The following MICAL2 variants were observed in gnomAD, a reference collection of about 807,000 sequenced individuals.
The protein encoded by MICAL2 is microtubule associated monooxygenase, calponin and LIM domain containing 2.
In MICAL2, 77 loss-of-function variants were observed where a neutral mutation model predicts 127.3. The observed-to-expected ratio is 0.60, with a 90% confidence interval of 0.50 to 0.73. The LOEUF (loss-of-function observed/expected upper bound fraction) is 0.73. Among genes scored for constraint, MICAL2 ranks in the 30% least tolerant of loss-of-function variants. The pLI is 0.00. For synonymous variants in MICAL2, 570 were observed against 551.1 expected (o/e 1.03, Z -0.48); for missense variants, 1,351 against 1,434.4 (o/e 0.94, Z 0.94).
chr11:12,286,019 C>T (rs1042894021), intron 2 of MICAL2, among the ~76,000 whole-genome samples: 2 of 152,240 alleles, frequency 1.3e-5, no homozygotes, highest in Admixed American at 6.5e-5. Context: ...ATCTGCAGGC[C>T]TTGCCTGGGA....
chr11:12,259,845 C>G lies in MICAL2; in HGVS notation c.3282C>G (p.Thr1094=), dbSNP rs370562454. 1.2e-6 allele frequency: 2 copies of G among 1,600,022 alleles called. No homozygotes were observed. Among genetic ancestry groups the G allele is most frequent in the Admixed American group, 1.7e-5 (1 of 58,566 alleles). Residue 1094 remains threonine, a synonymous_variant, in exon 26 of 28, where the codon ACC becomes ACG. Coordinates refer to ENST00000683283, the MANE Select transcript of MICAL2 (RefSeq NM_001282663.2). ...AAGCCCCTCGGAGAGACACTCCCAC[C>G]GAAAGTTCTTGCGCAGTGGCCGCCA... ...EQEAPRRDTP[T]ESSCAVAAIG...
At chr11:12,225,072 C>G (rs1246979987) in intron 13 of MICAL2, among the ~76,000 whole-genome samples, 1 of 142,520 alleles carries the variant, frequency 7.0e-6, no homozygotes, top group Non-Finnish European at 1.5e-5. Context: ...CCCCCCACTA[C>G]CCTTCCCCCC....
At chr11:12,292,145 T>A (rs758041310), downstream of MICAL2, 4 of 1,613,604 alleles carry the variant, frequency 2.5e-6, no homozygotes, top group South Asian at 4.4e-5. Flanking sequence ...CTTGGTAGGT[T>A]TGACGCCAGT....
intron 30 of MICAL2, among the ~76,000 whole-genome samples, chr11:12,321,171 C>T (rs1864290679): frequency 6.6e-6 from 1 of 152,156 alleles, no homozygotes; most frequent in Non-Finnish European, 1.5e-5. Context: ...ACAGAGCCCG[C>T]CATCACGTCA....
rs1321865118 is a variant in MICAL2 at position 12,348,344 on chromosome 11, T to C, written c.5516-1494T>C. 9.2e-5 allele frequency among the ~76,000 whole-genome samples: 14 copies of C among 152,118 alleles called. No individual in the cohort carries two copies. In the East Asian group the frequency reaches 2.7e-3, roughly 29 times the overall value. ...TTTTTGGAACTTTGTGAAATATTTT[T>C]TTCTGAATATTTTTGATCCACAGTG... On this transcript the variant is annotated intron_variant, in intron 32 of 34. Coordinates refer to the MICAL2 transcript ENST00000646065.
rs79023930 is a variant in MICAL2, at chr11:12,185,503, A to T, written c.265-18747A>T. ...CCCCATGACAGGATCTACCCATCTC[A>T]AAGCCGTCACTTGCTGTATTGCCTG... On this transcript the variant is annotated intron_variant, in intron 3 of 27. Coordinates refer to ENST00000683283, the MANE Select transcript of MICAL2 (RefSeq NM_001282663.2). Among the ~76,000 whole-genome samples the T allele has an allele frequency of 9.2e-3, 1,394 of 152,102 alleles. 10 individuals are homozygous for T. The highest frequency in any genetic ancestry group is 0.017 in the Middle Eastern group (5 of 294).
At chr11:12,145,096 G>A (rs1374344924) in intron 2 of MICAL2, among the ~76,000 whole-genome samples, 1 of 151,920 alleles carries the variant, frequency 6.6e-6, no homozygotes, top group East Asian at 1.9e-4. Context: ...TTTCTGGTCT[G>A]TTCACTCTCC....
intron 2 of MICAL2, among the ~76,000 whole-genome samples, chr11:12,150,931 C>T (rs1407217540): frequency 6.6e-6 from 1 of 152,174 alleles, no homozygotes; most frequent in African/African-American, 2.4e-5. Context: ...TATCCCCACG[C>T]AGCTTCCCGG....
At chr11:12,204,572 A>G in intron 4 of MICAL2, 115 bp downstream of exon 4, 1 of 1,021,326 alleles carries the variant, frequency 9.8e-7, no homozygotes, top group Non-Finnish European at 1.4e-6. Context: ...TGGGGGCACC[A>G]TATATCAGAC....
At chr11:12,148,679 C>T (rs745978710) in intron 2 of MICAL2, among the ~76,000 whole-genome samples, 3 of 152,216 alleles carry the variant, frequency 2.0e-5, no homozygotes, top group Non-Finnish European at 4.4e-5. Flanking sequence ...GAGGCATGGG[C>T]ACCAGGCCCC....
At chr11:12,212,477 A>AAAAAC (rs879701150) in intron 6 of MICAL2, among the ~76,000 whole-genome samples, 3 of 152,210 alleles carry the variant, frequency 2.0e-5, no homozygotes, top group Non-Finnish European at 4.4e-5. Context: ...ACCCTGTCTG[A>AAAAAC]AAAACAAAAC....
At chr11:12,289,959 G>A (rs1446010428), downstream of MICAL2, among the ~76,000 whole-genome samples, 2 of 152,218 alleles carry the variant, frequency 1.3e-5, no homozygotes, top group Non-Finnish European at 2.9e-5. Context: ...GGAGACAGGG[G>A]TTAAGTAACT....
At chr11:12,135,195 G>A (rs1463205872) in intron 1 of MICAL2, among the ~76,000 whole-genome samples, 3 of 152,182 alleles carry the variant, frequency 2.0e-5, no homozygotes, top group African/African-American at 7.2e-5. Flanking sequence ...CTGTTATCAG[G>A]AGAGAGACAC....
intron 2 of MICAL2, among the ~76,000 whole-genome samples, chr11:12,159,612 C>T (rs1002948111): frequency 6.6e-6 from 1 of 152,208 alleles, no homozygotes; most frequent in Non-Finnish European, 1.5e-5. Context: ...TACTGCTTGC[C>T]TGTCCTCAGA....
chr11:12,296,789 A>G (rs10734192), downstream of MICAL2, among the ~76,000 whole-genome samples: 141,257 of 151,880 alleles, frequency 0.93, 65,736 homozygotes, highest in East Asian at 0.95. Context: ...TTTTTTTAAC[A>G]CAAATGATAG....
chr11:12,203,923 A>G (rs1429032960), intron 3 of MICAL2, among the ~76,000 whole-genome samples: 1 of 152,216 alleles, frequency 6.6e-6, no homozygotes, highest in Non-Finnish European at 1.5e-5. Context: ...CACACAGATA[A>G]GGAAACTAAG....
chr11:12,224,355 A>C (rs1857159156), intron 12 of MICAL2: 2 of 297,450 alleles, frequency 6.7e-6, no homozygotes, highest in South Asian at 1.4e-4. Flanking sequence ...CCATTGCAGC[A>C]CTGTGTCATC....
chr11:12,287,460 C>A, downstream of MICAL2: 1 of 257,520 alleles, frequency 3.9e-6, no homozygotes, highest in Non-Finnish European at 7.3e-6. Context: ...ATCATTGCCT[C>A]TAAGCTTTTT....
chr11:12,185,198 GGGA>G, intron 3 of MICAL2, among the ~76,000 whole-genome samples: 1 of 114,964 alleles, frequency 8.7e-6, no homozygotes, highest in Non-Finnish European at 1.8e-5. Flanking sequence ...GATGGGTGGG[GGGA>G]TGGGTGGGTG....
Sources: gnomAD v4.1 joint callset for allele counts (sites outside exome capture counted in the v4.1 genomes callset) on GRCh38, gnomAD v4.1.1 for gene constraint, MANE v1.5 for transcripts, NCBI Gene and HGNC (gene_info 2026-07-23, HGNC 2026-07-21) for gene names.